RAB3GAP2: variants seen among roughly 807,000 people sequenced by gnomAD.
RAB3GAP2 encodes RAB3 GTPase activating non-catalytic protein subunit 2, also known as rab3 GTPase-activating protein non-catalytic subunit.
Under a neutral mutation model 185.3 loss-of-function variants are expected in RAB3GAP2, and 87 were observed. The observed-to-expected ratio is 0.47, with a 90% confidence interval of 0.39 to 0.56. RAB3GAP2 has a LOEUF of 0.56. Ranked by LOEUF, RAB3GAP2 falls within the 20% of genes least tolerant of loss-of-function variation. RAB3GAP2 has a pLI of 0.00. For synonymous variants in RAB3GAP2, 554 were observed against 576.1 expected (o/e 0.96, Z 0.55); for missense variants, 1,492 against 1,638.2 (o/e 0.91, Z 1.54).
intron 27 of RAB3GAP2, among the ~76,000 whole-genome samples, chr1:220,163,744 C>CATATATATATATATATATAT (rs373160821): frequency 8.1e-6 from 1 of 122,988 alleles, no homozygotes; most frequent in East Asian, 2.6e-4. Flanking sequence ...TAAATACATA[C>CATATATATATATATATATAT]ATATATATAT....
At chr1:220,185,179 T>G (rs1571888180) in intron 18 of RAB3GAP2, among the ~76,000 whole-genome samples, 2 of 152,284 alleles carry the variant, frequency 1.3e-5, no homozygotes, top group East Asian at 3.9e-4. Flanking sequence ...AAGTTTCAAG[T>G]GTAATCCTTT....
At position 220,157,415 on chromosome 1, in the gene RAB3GAP2, G is replaced by A; in HGVS notation, c.3410C>T (p.Pro1137Leu). The A allele has an allele frequency of 1.2e-6, 2 of 1,613,900 alleles. No homozygotes were observed. The highest frequency in any genetic ancestry group is 1.7e-6 in the Non-Finnish European group (2 of 1,180,002). Reference protein sequence around the residue: ...TEDAWLSVEGPISIVELALEQ... With the variant: ...TEDAWLSVEGLISIVELALEQ... ...AAGGGCCAGTTCCACTATGGAGATT[G>A]GTCCTTCCACGGAGAGCCACGCATC... is the stretch of plus-strand genomic sequence containing the variant. The change falls in exon 31 of 35, where the codon CCA becomes CTA. Residue 1137 changes from proline (P) to leucine (L), a missense_variant. Around this residue, in one of 5 missense-constraint regions of RAB3GAP2, gnomAD observed 387 missense variants for 455.3 expected, o/e 0.85. Coordinates refer to ENST00000358951, the MANE Select transcript of RAB3GAP2 (RefSeq NM_012414.4).
In RAB3GAP2 at chr1:220,215,031, C is replaced by T. The variant is rs1571905268; in HGVS notation, c.181-1052G>A. Among the ~76,000 whole-genome samples the T allele has an allele frequency of 2.1e-5, 3 of 146,100 alleles. No homozygotes were observed. The East Asian group carries it at 6.2e-4, about 30-fold the overall frequency. ...TATTCATTAGACTTCATTCCACTTC[C>T]ACATGAAGTTTCTTTATTGTTTTTA... On this transcript the variant is annotated intron_variant, in intron 2 of 34. Transcript: ENST00000358951.
At chr1:220,157,715 T>A in intron 30 of RAB3GAP2, 87 bp downstream of exon 30, 1 of 1,265,908 alleles carries the variant, frequency 7.9e-7, no homozygotes, top group Non-Finnish European at 1.1e-6. Flanking sequence ...AACAACCTCA[T>A]TAAAATAGTC....
intron 17 of RAB3GAP2, among the ~76,000 whole-genome samples, chr1:220,187,140 A>G (rs1167938196): frequency 6.6e-6 from 1 of 152,198 alleles, no homozygotes; most frequent in Non-Finnish European, 1.5e-5. Flanking sequence ...GAATTCTCCC[A>G]TGTATGTAGC....
rs758185090 is a variant in RAB3GAP2, at chr1:220,272,240, G to A, written c.98C>T (p.Ala33Val). The change falls in exon 1 of 35, where the codon GCC becomes GTC. Residue 33 changes from alanine (A) to valine (V), a missense_variant. By Grantham distance (64) the Ala-to-Val change is moderately conservative. Transcript: ENST00000358951. ...GCACTTACTGGGGTCCCTCCGCAAG[G>A]CGCCGCTGAGGATCTCCTCCCGCAG... ...PHLREEILSG[A>V]LRRDPSKSTD... is the part of the protein sequence containing the mutation. 2 of 1,608,356 alleles carry A rather than the reference G, an allele frequency of 1.2e-6. No homozygotes were observed. Among genetic ancestry groups the A allele is most frequent in the Non-Finnish European group, 1.7e-6 (2 of 1,178,334 alleles).
chr1:220,254,146 ATTC>A, intron 1 of RAB3GAP2: 1 of 1,613,870 alleles, frequency 6.2e-7, no homozygotes, highest in Non-Finnish European at 8.5e-7. Flanking sequence ...TGTGGATTCC[ATTC>A]TTGAGGATTA....
intron 1 of RAB3GAP2, among the ~76,000 whole-genome samples, chr1:220,259,199 TG>T (rs1660089383): frequency 6.6e-6 from 1 of 152,140 alleles, no homozygotes. Flanking sequence ...AAACTACCAC[TG>T]ACATTCTTCA....
chr1:220,246,473 A>G (rs1659818896), intron 1 of RAB3GAP2, among the ~76,000 whole-genome samples: 1 of 127,802 alleles, frequency 7.8e-6, no homozygotes, highest in Non-Finnish European at 1.6e-5. Flanking sequence ...ATGCACACGT[A>G]TGTTTATTGT....
intron 29 of RAB3GAP2, among the ~76,000 whole-genome samples, chr1:220,159,098 G>A (rs1321606366): frequency 6.6e-6 from 1 of 151,890 alleles, no homozygotes; most frequent in Non-Finnish European, 1.5e-5. Flanking sequence ...ATGTCTAATC[G>A]GAATATGCAG....
At chr1:220,238,998 A>G (rs1659643274) in intron 1 of RAB3GAP2, among the ~76,000 whole-genome samples, 1 of 152,196 alleles carries the variant, frequency 6.6e-6, no homozygotes, top group Non-Finnish European at 1.5e-5. Flanking sequence ...AATATTTGCT[A>G]AACGAATAGT....
At chr1:220,188,635 G>T (rs1268135873) in intron 17 of RAB3GAP2, among the ~76,000 whole-genome samples, 1 of 152,286 alleles carries the variant, frequency 6.6e-6, no homozygotes, top group Non-Finnish European at 1.5e-5. Flanking sequence ...GAAACAATTT[G>T]CCATCAACTA....
At chr1:220,173,212 A>G (rs2102860050) in intron 21 of RAB3GAP2, among the ~76,000 whole-genome samples, 1 of 152,222 alleles carries the variant, frequency 6.6e-6, no homozygotes, top group East Asian at 1.9e-4. Flanking sequence ...TCAAACTCCA[A>G]TTTTTAAATC....
chr1:220,248,260 C>T (rs1018730831), intron 1 of RAB3GAP2, among the ~76,000 whole-genome samples: 58 of 152,132 alleles, frequency 3.8e-4, no homozygotes, highest in African/African-American at 1.3e-3. Flanking sequence ...TTTTCAGTTA[C>T]AAGATGAAGT....
At chr1:220,166,753 G>C (rs145821121) in intron 26 of RAB3GAP2, among the ~76,000 whole-genome samples, 1 of 152,082 alleles carries the variant, frequency 6.6e-6, no homozygotes, top group Non-Finnish European at 1.5e-5. Context: ...CCCTGGTCAC[G>C]ATCTGCCTCT....
intron 1 of RAB3GAP2, among the ~76,000 whole-genome samples, chr1:220,268,459 C>T (rs1039200288): frequency 6.6e-6 from 1 of 152,192 alleles, no homozygotes; most frequent in African/African-American, 2.4e-5. Flanking sequence ...TGCTACCCAC[C>T]ATCACAAAAG....
At chr1:220,183,035 T>C (rs1484147860) in intron 19 of RAB3GAP2, 104 bp from the exon 20 acceptor site, 1 of 851,742 alleles carries the variant, frequency 1.2e-6, no homozygotes, top group Non-Finnish European at 1.9e-6. Flanking sequence ...TTAATTAATA[T>C]AATACCTATC....
chr1:220,159,768 A>G (rs1439508056), intron 28 of RAB3GAP2, among the ~76,000 whole-genome samples: 1 of 152,078 alleles, frequency 6.6e-6, no homozygotes, highest in Admixed American at 6.5e-5. Context: ...CTGTAATCCT[A>G]GCACTCGGGA....
At chr1:220,266,814 G>C in intron 1 of RAB3GAP2, 1 of 1,596,262 alleles carries the variant, frequency 6.3e-7, no homozygotes, top group East Asian at 2.2e-5. Flanking sequence ...CTCTGGCTGG[G>C]AACATGCTTC....
Sources: allele counts gnomAD v4.1 joint callset (sites outside exome capture counted in the v4.1 genomes callset), GRCh38; gene constraint gnomAD v4.1.1; regional missense constraint gnomAD v4.1.1; transcripts MANE v1.5; gene names NCBI Gene and HGNC (gene_info 2026-07-23, HGNC 2026-07-21).